PCDHGA11: variants seen among roughly 807,000 people sequenced by gnomAD.
PCDHGA11 encodes protocadherin gamma subfamily A, 11.
Under a neutral mutation model 60.4 loss-of-function variants are expected in PCDHGA11, and 39 were observed. That is an observed-to-expected ratio of 0.65 (90% confidence interval 0.50 to 0.84). The LOEUF (loss-of-function observed/expected upper bound fraction) is 0.84. PCDHGA11 is among the 40% of genes least tolerant of loss of function. The pLI, the probability that PCDHGA11 is intolerant of heterozygous loss-of-function variation, is 0.00. For missense variants in PCDHGA11, 1,165 were observed against 1,197.7 expected (o/e 0.97, Z 0.40); for synonymous variants, 533 against 510.3 (o/e 1.04, Z -0.60).
At chr5:141,450,241 C>T (rs1236675009) in intron 1 of PCDHGA11, among the ~76,000 whole-genome samples, 1 of 152,094 alleles carries the variant, frequency 6.6e-6, no homozygotes, top group East Asian at 1.9e-4. Flanking sequence ...TAGTCTTGAA[C>T]TCCTGACCTC....
At chr5:141,458,787 C>A (rs968490647) in intron 1 of PCDHGA11, among the ~76,000 whole-genome samples, 1 of 152,004 alleles carries the variant, frequency 6.6e-6, no homozygotes, top group African/African-American at 2.4e-5. Flanking sequence ...GGCTGGAGTG[C>A]AGTGGTGTGA....
At chr5:141,455,860 A>ATTATTTAT (rs145569377) in intron 1 of PCDHGA11, among the ~76,000 whole-genome samples, 155 of 139,844 alleles carry the variant, frequency 1.1e-3, no homozygotes, top group Non-Finnish European at 1.5e-3. Flanking sequence ...AATTTCTTTT[A>ATTATTTAT]TTATTTATTT....
intron 2 of PCDHGA11, among the ~76,000 whole-genome samples, chr5:141,502,358 TA>T (rs1283802909): frequency 6.6e-6 from 1 of 152,134 alleles, no homozygotes; most frequent in African/African-American, 2.4e-5. Context: ...ATGACATGGA[TA>T]TTTTTAAAGA....
intron 1 of PCDHGA11, among the ~76,000 whole-genome samples, chr5:141,450,485 T>A (rs1382219564): frequency 6.6e-6 from 1 of 152,160 alleles, no homozygotes; most frequent in Non-Finnish European, 1.5e-5. Flanking sequence ...GTTTGTTTGT[T>A]TGTCTGTTTG....
intron 1 of PCDHGA11, among the ~76,000 whole-genome samples, chr5:141,444,275 G>A (rs1427489988): frequency 7.1e-6 from 1 of 141,698 alleles, no homozygotes; most frequent in Non-Finnish European, 1.5e-5. Flanking sequence ...AGGTTCAAGT[G>A]ATTCTCCTGC....
intron 1 of PCDHGA11, among the ~76,000 whole-genome samples, chr5:141,461,906 C>A (rs2154567542): frequency 6.6e-6 from 1 of 152,270 alleles, no homozygotes; most frequent in South Asian, 2.1e-4. Context: ...TCACTGCAAC[C>A]TCTGCCTCCT....
chr5:141,487,068 T>C lies in PCDHGA11; in HGVS notation c.2434-7739T>C. ...TATGCTGGGGAGGTGCGGACGGCTG[T>C]TCCTATCCCAGCTGACCTCCCACCA... On this transcript the variant is annotated intron_variant, in intron 1 of 3. Transcript: ENST00000398587. The surrounding 1 kb of genome is among the most constrained non-coding windows in gnomAD (Gnocchi z 5.0). The C allele has an allele frequency of 6.2e-7, 1 of 1,614,166 alleles. No individual in the cohort carries two copies. The highest frequency in any genetic ancestry group is 8.5e-7 in the Non-Finnish European group (1 of 1,180,016).
At chr5:141,437,047 G>C (rs2097860477) in intron 1 of PCDHGA11, among the ~76,000 whole-genome samples, 1 of 152,214 alleles carries the variant, frequency 6.6e-6, no homozygotes, top group Admixed American at 6.5e-5. Context: ...AAACCAGAAG[G>C]CTGGTGATCA....
chr5:141,500,384 T>C (rs956708207), intron 2 of PCDHGA11, among the ~76,000 whole-genome samples: 1 of 151,894 alleles, frequency 6.6e-6, no homozygotes, highest in African/African-American at 2.4e-5. Context: ...AATTATTTTG[T>C]ATTTTTAGTA....
At chr5:141,500,256 T>C (rs1045685908) in intron 2 of PCDHGA11, among the ~76,000 whole-genome samples, 1 of 151,676 alleles carries the variant, frequency 6.6e-6, no homozygotes, top group Non-Finnish European at 1.5e-5. Flanking sequence ...TCACCCAGGC[T>C]GGACTGCAGT....
chr5:141,429,910 T>C (rs2097252047), intron 1 of PCDHGA11, among the ~76,000 whole-genome samples: 1 of 152,230 alleles, frequency 6.6e-6, no homozygotes, highest in East Asian at 1.9e-4. Context: ...TTTTGAAATA[T>C]AATGTATTAA....
At chr5:141,427,222 A>T (rs536161247) in intron 1 of PCDHGA11, 8 of 456,774 alleles carry the variant, frequency 1.8e-5, no homozygotes, top group Non-Finnish European at 3.5e-5. Flanking sequence ...CGTAGCAGTT[A>T]TACCATGAGA....
chr5:141,501,852 A>G (rs922276780), intron 2 of PCDHGA11, among the ~76,000 whole-genome samples: 2 of 151,924 alleles, frequency 1.3e-5, no homozygotes, highest in African/African-American at 4.8e-5. Context: ...TCAACCTTCA[A>G]CCATTTCCCA....
intron 1 of PCDHGA11, chr5:141,427,984 C>T (rs754620535): frequency 1.9e-6 from 3 of 1,597,494 alleles, no homozygotes; most frequent in South Asian, 1.1e-5. Context: ...GCGCTGGGGC[C>T]CGATGGCTCC....
chr5:141,426,858 T>G (rs898486771), intron 1 of PCDHGA11: 13 of 456,574 alleles, frequency 2.8e-5, no homozygotes, highest in African/African-American at 8.0e-5. Context: ...CGCTCCAGAA[T>G]TAGTGCTGGA....
At chr5:141,443,317 C>CAA (rs35054295) in intron 1 of PCDHGA11, among the ~76,000 whole-genome samples, 2,546 of 141,926 alleles carry the variant, frequency 0.018, 55 homozygotes, top group African/African-American at 0.052. Flanking sequence ...CCCATCTCTA[C>CAA]AAAAAAAAAA....
At chr5:141,462,043 G>C (rs1310987622) in intron 1 of PCDHGA11, among the ~76,000 whole-genome samples, 1 of 152,100 alleles carries the variant, frequency 6.6e-6, no homozygotes, top group Non-Finnish European at 1.5e-5. Flanking sequence ...GGCGGGTCTT[G>C]AACTCCCGAC....
intron 1 of PCDHGA11, among the ~76,000 whole-genome samples, chr5:141,481,049 C>A (rs1165894624): frequency 1.3e-5 from 2 of 152,096 alleles, no homozygotes; most frequent in Non-Finnish European, 2.9e-5. Context: ...CAGAGCGAGA[C>A]TCCACCTCAA....
At chr5:141,496,892 A>AG (rs1372616572) in intron 2 of PCDHGA11, among the ~76,000 whole-genome samples, 1 of 151,766 alleles carries the variant, frequency 6.6e-6, no homozygotes, top group Non-Finnish European at 1.5e-5. Flanking sequence ...AACACTTAAA[A>AG]AAAAAAAAAA....
Sources: gnomAD v4.1 joint callset for allele counts (sites outside exome capture counted in the v4.1 genomes callset) on GRCh38, gnomAD v4.1.1 for gene constraint, Gnocchi (gnomAD v3.1) non-coding constraint, MANE v1.5 for transcripts, NCBI Gene and HGNC (gene_info 2026-07-23, HGNC 2026-07-21) for gene names.